ZBBX: variants seen among roughly 807,000 people sequenced by gnomAD.
ZBBX encodes zinc finger B-box domain containing.
ZBBX carries 101 observed loss-of-function variants against 108.5 expected under a neutral mutation model. That is an observed-to-expected ratio of 0.93 (90% CI 0.79 to 1.10). The LOEUF (loss-of-function observed/expected upper bound fraction) is 1.10, where lower values mean the gene tolerates loss of function less well. Among genes scored for constraint, ZBBX ranks in the 50% least tolerant of loss-of-function variants. The pLI is 0.00. For synonymous variants in ZBBX, 356 were observed against 323.4 expected (o/e 1.10, Z -1.08); for missense variants, 1,009 against 941.4 (o/e 1.07, Z -0.94).
At chr3:167,309,275 A>C (rs892476820) in intron 16 of ZBBX, among the ~76,000 whole-genome samples, 6 of 152,166 alleles carry the variant, frequency 3.9e-5, no homozygotes, top group Non-Finnish European at 5.9e-5. Context: ...TGCATGGTGC[A>C]AGCTGTCAGT....
At chr3:167,249,135 G>C (rs966129882) in intron 20 of ZBBX, among the ~76,000 whole-genome samples, 8 of 152,156 alleles carry the variant, frequency 5.3e-5, no homozygotes, top group Middle Eastern at 3.2e-3. Context: ...GTGCCTCTTA[G>C]CCCTCTGCAA....
At chr3:167,209,524 C>T in the ZBBX span, among the ~76,000 whole-genome samples, 1 of 152,164 alleles carries the variant, frequency 6.6e-6, no homozygotes, top group East Asian at 1.9e-4. Flanking sequence ...AATAGTGTTA[C>T]TAATGCAGAT....
intron 11 of ZBBX, among the ~76,000 whole-genome samples, chr3:167,322,954 A>G (rs1165879862): frequency 1.3e-5 from 2 of 152,082 alleles, no homozygotes; most frequent in South Asian, 2.1e-4. Context: ...TCCCAGCCTC[A>G]TATTGTAGAC....
chr3:167,221,042 C>T, the ZBBX span, among the ~76,000 whole-genome samples: 1 of 151,604 alleles, frequency 6.6e-6, no homozygotes, highest in Non-Finnish European at 1.5e-5. Flanking sequence ...CTATAAAATA[C>T]TGGTGAAAGA....
chr3:167,390,558 T>C (rs1338516281), intron 1 of ZBBX, among the ~76,000 whole-genome samples: 1 of 151,266 alleles, frequency 6.6e-6, no homozygotes, highest in Admixed American at 6.6e-5. Flanking sequence ...GGGAATAACA[T>C]TGAATCTATA....
chr3:167,321,206 G>T (rs1012795357), intron 12 of ZBBX, among the ~76,000 whole-genome samples: 1 of 151,878 alleles, frequency 6.6e-6, no homozygotes, highest in Non-Finnish European at 1.5e-5. Flanking sequence ...AAAAAATCTA[G>T]CACATTACAA....
chr3:167,204,198 C>CT, the ZBBX span, among the ~76,000 whole-genome samples: 48,325 of 117,942 alleles, frequency 0.41, 10,000 homozygotes, highest in African/African-American at 0.61. Context: ...TTCTTTTTTT[C>CT]TTTTTTTTTT....
At chr3:167,346,824 A>G (rs1741543079) in intron 9 of ZBBX, among the ~76,000 whole-genome samples, 1 of 152,002 alleles carries the variant, frequency 6.6e-6, no homozygotes, top group South Asian at 2.1e-4. Context: ...GGAAAATGAT[A>G]AAAACAATAA....
At chr3:167,347,114 C>T (rs1484569608) in intron 9 of ZBBX, among the ~76,000 whole-genome samples, 1 of 151,880 alleles carries the variant, frequency 6.6e-6, no homozygotes, top group Non-Finnish European at 1.5e-5. Context: ...ATGAGTCACT[C>T]ACACATAGTG....
At chr3:167,362,865 T>C (rs1055734197) in intron 6 of ZBBX, among the ~76,000 whole-genome samples, 10 of 152,108 alleles carry the variant, frequency 6.6e-5, no homozygotes, top group Admixed American at 6.6e-4. Context: ...CTTGTGTCAA[T>C]ATCTAGGGTC....
At chr3:167,407,539 T>A (rs1748624527) in intron 1 of ZBBX, among the ~76,000 whole-genome samples, 1 of 151,984 alleles carries the variant, frequency 6.6e-6, no homozygotes, top group Non-Finnish European at 1.5e-5. Context: ...AATGGAAGCA[T>A]TACCAATAAC....
chr3:167,305,954 T>C lies in ZBBX; in HGVS notation c.1418-4A>G. The C allele has an allele frequency of 6.6e-7, 1 of 1,505,440 alleles. No homozygotes were observed. The highest frequency in any genetic ancestry group is 8.9e-7 in the Non-Finnish European group (1 of 1,127,498). The allele number at this position is 1,505,440 out of a possible 1,614,324, so 93.3% of individuals were successfully genotyped here. On this transcript the variant is annotated splice_polypyrimidine_tract_variant and splice_region_variant and intron_variant, in intron 16 of 21. Coordinates refer to ENST00000675490, the MANE Select transcript of ZBBX (RefSeq NM_001199201.2). ...AAATCTGTGTTTGAAGTTTCTGCTG[T>C]TAAAAACACACAGTTACAAAAGGTA...
At chr3:167,304,014 C>T (rs1181252143) in intron 17 of ZBBX, among the ~76,000 whole-genome samples, 2 of 152,052 alleles carry the variant, frequency 1.3e-5, no homozygotes, top group Non-Finnish European at 2.9e-5. Flanking sequence ...TGTTTATATC[C>T]ATTTTATTAT....
rs955422513 is a variant in ZBBX at position 167,288,849 on chromosome 3, C to T, written c.1996+18G>A. ...GTAAGCTGCCAACATGGCACTGCTG[C>T]CTTTGAGTCAATGTTACCCATCTTT... On this transcript the variant is annotated intron_variant, in intron 19 of 21. Transcript: ENST00000675490. 1.3e-6 allele frequency: 2 copies of T among 1,502,322 alleles called. No homozygotes were observed. Among genetic ancestry groups the T allele is most frequent in the African/African-American group, 2.8e-5 (2 of 72,338 alleles). The allele number at this position is 1,502,322 out of a possible 1,614,324, so 93.1% of individuals were successfully genotyped here.
the ZBBX span, among the ~76,000 whole-genome samples, chr3:167,198,211 A>C: frequency 6.6e-6 from 1 of 152,014 alleles, no homozygotes; most frequent in South Asian, 2.1e-4. Context: ...TGTTATATCT[A>C]GTGTGACAGA....
chr3:167,289,473 C>A (rs1236365739), intron 18 of ZBBX, among the ~76,000 whole-genome samples: 1 of 152,196 alleles, frequency 6.6e-6, no homozygotes, highest in East Asian at 1.9e-4. Flanking sequence ...GAGGGCAAGC[C>A]AAAGCAGGGT....
intron 20 of ZBBX, among the ~76,000 whole-genome samples, chr3:167,265,751 G>C (rs768756152): frequency 6.6e-6 from 1 of 152,252 alleles, no homozygotes; most frequent in Non-Finnish European, 1.5e-5. Flanking sequence ...TCCCAAGGAA[G>C]TCAAGTTCTG....
intron 1 of ZBBX, among the ~76,000 whole-genome samples, chr3:167,389,327 C>T (rs1234472273): frequency 1.3e-5 from 2 of 152,144 alleles, no homozygotes; most frequent in Non-Finnish European, 2.9e-5. Context: ...TTTATGGCTG[C>T]ATAGTACTCC....
the ZBBX span, among the ~76,000 whole-genome samples, chr3:167,178,983 T>C: frequency 1.3e-5 from 2 of 152,188 alleles, no homozygotes; most frequent in African/African-American, 2.4e-5. Context: ...ATGTGTTTAA[T>C]ATTCCATATA....
Sources: allele counts gnomAD v4.1 joint callset (sites outside exome capture counted in the v4.1 genomes callset), GRCh38; gene constraint gnomAD v4.1.1; transcripts MANE v1.5; gene names NCBI Gene and HGNC (gene_info 2026-07-23, HGNC 2026-07-21).